HEATR3: variants seen among roughly 807,000 people sequenced by gnomAD.
HEATR3 encodes the protein HEAT repeat-containing protein 3.
HEATR3 carries 56 observed loss-of-function variants against 72.8 expected under a neutral mutation model. The ratio of observed to expected loss-of-function variants is 0.77; its 90% CI spans 0.62 to 0.96. HEATR3 has a LOEUF of 0.96. Ranked by LOEUF, HEATR3 falls within the 40% of genes least tolerant of loss-of-function variation. HEATR3 has a pLI of 0.00. For synonymous variants in HEATR3, 331 were observed against 318.1 expected (o/e 1.04, Z -0.43); for missense variants, 747 against 831.4 (o/e 0.90, Z 1.25).
intron 6 of HEATR3, among the ~76,000 whole-genome samples, chr16:50,077,896 A>C (rs2036774127): frequency 1.0e-3 from 1 of 1,000 alleles, no homozygotes; most frequent in African/African-American, 3.3e-3. Context: ...TTTTTTTTTG[A>C]AACAGAGTCT....
intron 6 of HEATR3, 51 bp downstream of exon 6, chr16:50,075,762 G>A (rs1452453426): frequency 6.5e-7 from 1 of 1,531,434 alleles, no homozygotes; most frequent in Non-Finnish European, 8.9e-7. Flanking sequence ...CTTTTGGTAT[G>A]GATGTGGTGG....
intron 7 of HEATR3, among the ~76,000 whole-genome samples, chr16:50,083,603 ACTT>A (rs2036919329): frequency 6.6e-6 from 1 of 152,160 alleles, no homozygotes; most frequent in Admixed American, 6.5e-5. Flanking sequence ...ATGCCCAGCT[ACTT>A]CTTGACACAG....
chr16:50,069,680 C>T (rs1024922872), intron 3 of HEATR3, among the ~76,000 whole-genome samples: 3 of 152,118 alleles, frequency 2.0e-5, no homozygotes, highest in African/African-American at 7.2e-5. Flanking sequence ...TTGAGAAGCC[C>T]TGCTTTAGAG....
intron 6 of HEATR3, among the ~76,000 whole-genome samples, chr16:50,076,530 C>T (rs1357601539): frequency 6.6e-6 from 1 of 151,666 alleles, no homozygotes; most frequent in Non-Finnish European, 1.5e-5. Flanking sequence ...ATGAAATTTA[C>T]CGTCTTAATC....
chr16:50,075,863 T>G, intron 6 of HEATR3, 152 bp downstream of exon 6: 1 of 628,876 alleles, frequency 1.6e-6, no homozygotes, highest in East Asian at 2.6e-5. Flanking sequence ...AGACCCTTAC[T>G]TCAAGCAGTT....
intron 2 of HEATR3, among the ~76,000 whole-genome samples, chr16:50,068,119 A>G (rs2036538175): frequency 6.6e-6 from 1 of 152,130 alleles, no homozygotes; most frequent in African/African-American, 2.4e-5. Flanking sequence ...TTCCTCCCAC[A>G]GCATACAGAG....
chr16:50,081,601 C>T (rs995331048), intron 7 of HEATR3, among the ~76,000 whole-genome samples: 5 of 152,172 alleles, frequency 3.3e-5, no homozygotes, highest in Non-Finnish European at 5.9e-5. Context: ...ACATGCTAGT[C>T]GGTCAGCCAG....
chr16:50,076,239 C>T (rs2036724892), intron 6 of HEATR3, among the ~76,000 whole-genome samples: 1 of 151,594 alleles, frequency 6.6e-6, no homozygotes, highest in South Asian at 2.1e-4. Flanking sequence ...GCTCTTTCAC[C>T]CAGGCTGGAG....
At chr16:50,083,098 C>T (rs1308460232) in intron 7 of HEATR3, among the ~76,000 whole-genome samples, 1 of 152,152 alleles carries the variant, frequency 6.6e-6, no homozygotes, top group Non-Finnish European at 1.5e-5. Flanking sequence ...CGTGCCACTG[C>T]ACTCCAGCCT....
At chr16:50,102,699 T>C (rs982500068) in intron 14 of HEATR3, among the ~76,000 whole-genome samples, 2 of 152,238 alleles carry the variant, frequency 1.3e-5, no homozygotes, top group Admixed American at 6.5e-5. Context: ...GCTTCATATA[T>C]GTCAGTATTA....
At chr16:50,091,536 G>T (rs2037111180) in intron 11 of HEATR3, among the ~76,000 whole-genome samples, 1 of 151,956 alleles carries the variant, frequency 6.6e-6, no homozygotes, top group South Asian at 2.1e-4. Flanking sequence ...TTACTTGTGG[G>T]TTGATGATGT....
intron 13 of HEATR3, chr16:50,100,678 T>C (rs1039175441): frequency 2.3e-5 from 8 of 341,234 alleles, no homozygotes; most frequent in Non-Finnish European, 3.8e-5. Flanking sequence ...GCCTTCTGCC[T>C]TTGCTGTTGC....
At chr16:50,096,050 C>G (rs1029473575) in intron 12 of HEATR3, among the ~76,000 whole-genome samples, 2 of 152,032 alleles carry the variant, frequency 1.3e-5, no homozygotes, top group Non-Finnish European at 2.9e-5. Context: ...CATGGCCAGG[C>G]ACGGTGGCTC....
At chr16:50,081,542 A>G (rs982557877) in intron 7 of HEATR3, among the ~76,000 whole-genome samples, 2 of 152,146 alleles carry the variant, frequency 1.3e-5, no homozygotes, top group African/African-American at 4.8e-5. Context: ...AAAAAAGAAG[A>G]AAAGGAGAAT....
intron 4 of HEATR3, 55 bp from the exon 5 acceptor site, chr16:50,072,550 A>T: frequency 8.8e-7 from 1 of 1,141,750 alleles, no homozygotes; most frequent in Non-Finnish European, 1.3e-6. Context: ...GCTATGGTTG[A>T]TTTCCTACTG....
chr16:50,070,291 G>C lies in HEATR3; in HGVS notation c.512+1G>C, dbSNP rs2036582708. On this transcript the variant is annotated splice_donor_variant, in intron 4 of 14. Coordinates refer to ENST00000299192, the MANE Select transcript of HEATR3 (RefSeq NM_182922.4). LOFTEE classifies it high-confidence loss of function. ...CTGTGAACGTGCTGTGGAATATATG[G>C]TAAGATGCCTACCAAACACAGTCTC... The C allele has an allele frequency of 3.4e-6, 5 of 1,467,114 alleles. No homozygotes were observed. Among genetic ancestry groups the C allele is most frequent in the Non-Finnish European group, 4.8e-6 (5 of 1,048,576 alleles). 90.9% of individuals were successfully genotyped at this position (1,467,114 alleles called of 1,614,324 possible). A position where few individuals can be genotyped will look rare whatever the true frequency, so the allele number is the denominator to read the frequency against.
chr16:50,102,505 C>A, intron 14 of HEATR3, 70 bp downstream of exon 14: 1 of 1,387,534 alleles, frequency 7.2e-7, no homozygotes, highest in South Asian at 1.3e-5. Context: ...TGTGTAGTTA[C>A]CGCTGTGCAA....
intron 12 of HEATR3, among the ~76,000 whole-genome samples, chr16:50,097,533 G>T (rs571996942): frequency 6.6e-6 from 1 of 151,804 alleles, no homozygotes; most frequent in African/African-American, 2.4e-5. Flanking sequence ...TGGCTCCTGT[G>T]CCTCTTTTAC....
At chr16:50,070,808 T>G (rs998826667) in intron 4 of HEATR3, among the ~76,000 whole-genome samples, 2 of 152,192 alleles carry the variant, frequency 1.3e-5, no homozygotes, top group African/African-American at 4.8e-5. Context: ...TTTTACGGCT[T>G]TCCTCTCCAG....
Sources: gnomAD v4.1 joint callset for allele counts (sites outside exome capture counted in the v4.1 genomes callset) on GRCh38, gnomAD v4.1.1 for gene constraint, MANE v1.5 for transcripts, NCBI Gene and HGNC (gene_info 2026-07-23, HGNC 2026-07-21) for gene names.